The following PEAK1 variants were observed in gnomAD, a reference collection of about 807,000 sequenced individuals.
PEAK1 encodes inactive tyrosine-protein kinase PEAK1.
Under a neutral mutation model 124.7 loss-of-function variants are expected in PEAK1, and 54 were observed. The ratio of observed to expected loss-of-function variants is 0.43; its 90% CI spans 0.35 to 0.54. PEAK1 has a LOEUF of 0.54. PEAK1 is among the 20% of genes least tolerant of loss of function. The pLI, the probability that PEAK1 is intolerant of heterozygous loss-of-function variation, is 0.01. For missense variants in PEAK1, 2,046 were observed against 2,134.5 expected, an observed-to-expected ratio of 0.96 and a Z score of 0.82; for synonymous variants, 719 against 760.0, an observed-to-expected ratio of 0.95 and a Z score of 0.89.
chr15:77,313,992 C>T (rs1303693268), intron 2 of PEAK1, among the ~76,000 whole-genome samples: 5 of 152,048 alleles, frequency 3.3e-5, no homozygotes, highest in Middle Eastern at 3.4e-3. Flanking sequence ...ACATCAACAG[C>T]GATAAGTCAT....
chr15:77,217,985 C>T (rs905538089), intron 6 of PEAK1, among the ~76,000 whole-genome samples: 5 of 152,106 alleles, frequency 3.3e-5, no homozygotes, highest in South Asian at 2.1e-4. Context: ...TGCTACCTTG[C>T]TAAATTTATT....
At position 77,146,174 on chromosome 15, in the gene PEAK1, T is replaced by C. The variant is rs144614818; in HGVS notation, c.3331+12329A>G. 5.0e-4 allele frequency among the ~76,000 whole-genome samples: 76 copies of C among 152,300 alleles called. No homozygotes were observed. In the East Asian group the frequency reaches 0.014, roughly 27 times the overall value. On this transcript the variant is annotated intron_variant, in intron 8 of 9. Coordinates refer to ENST00000682557, the MANE Select transcript of PEAK1 (RefSeq NM_001385026.1). Reference sequence around the variant, plus strand: ...TTGTCAAATGAATAGGGTATCTCATTGGCTGAACCTAGCGCTCAGTGCATC... The same window carrying C: ...TTGTCAAATGAATAGGGTATCTCATCGGCTGAACCTAGCGCTCAGTGCATC...
intron 7 of PEAK1, among the ~76,000 whole-genome samples, chr15:77,159,653 G>T (rs542127657): frequency 2.0e-5 from 3 of 152,164 alleles, no homozygotes; most frequent in Non-Finnish European, 4.4e-5. Flanking sequence ...AAAGAAAGAA[G>T]GAAGGAAAGG....
intron 8 of PEAK1, among the ~76,000 whole-genome samples, chr15:77,150,202 T>TA (rs1468606070): frequency 6.6e-6 from 1 of 152,088 alleles, no homozygotes; most frequent in Non-Finnish European, 1.5e-5. Context: ...CTTCTTTTTT[T>TA]AAAAAAAGGA....
At chr15:77,265,832 A>C (rs957287431) in intron 5 of PEAK1, among the ~76,000 whole-genome samples, 2 of 152,094 alleles carry the variant, frequency 1.3e-5, no homozygotes, top group African/African-American at 4.8e-5. Context: ...CACTATTCAC[A>C]ATAGCAAAGA....
chr15:77,131,481 G>A (rs2052854907), intron 9 of PEAK1, among the ~76,000 whole-genome samples: 1 of 151,926 alleles, frequency 6.6e-6, no homozygotes, highest in Non-Finnish European at 1.5e-5. Context: ...AACAGAGTGA[G>A]ACTCCATCTC....
chr15:77,377,212 T>C (rs989507497), intron 1 of PEAK1, among the ~76,000 whole-genome samples: 3 of 152,064 alleles, frequency 2.0e-5, no homozygotes, highest in Non-Finnish European at 4.4e-5. Context: ...GGAGACCCCA[T>C]CTCTACAAAA....
At chr15:77,125,096 T>C (rs1178868195) in intron 9 of PEAK1, among the ~76,000 whole-genome samples, 1 of 152,214 alleles carries the variant, frequency 6.6e-6, no homozygotes, top group Non-Finnish European at 1.5e-5. Flanking sequence ...CTACAACAAA[T>C]ATCACAATGT....
intron 2 of PEAK1, among the ~76,000 whole-genome samples, chr15:77,353,146 C>T (rs537452713): frequency 6.6e-5 from 10 of 152,294 alleles, no homozygotes; most frequent in African/African-American, 2.2e-4. Flanking sequence ...AGAAACTCCT[C>T]GGCTATTCTG....
intron 7 of PEAK1, among the ~76,000 whole-genome samples, chr15:77,169,070 A>G (rs1161242144): frequency 6.6e-6 from 1 of 152,128 alleles, no homozygotes; most frequent in African/African-American, 2.4e-5. Context: ...CATTAGAAAA[A>G]AACTGTTTGA....
intron 5 of PEAK1, among the ~76,000 whole-genome samples, chr15:77,274,827 GA>G (rs959993333): frequency 6.6e-6 from 1 of 151,434 alleles, no homozygotes; most frequent in Non-Finnish European, 1.5e-5. Flanking sequence ...CTATTCAGAG[GA>G]AAAAAAAGGT....
chr15:77,346,479 G>C, intron 2 of PEAK1: 25 of 985,380 alleles, frequency 2.5e-5, no homozygotes, highest in Non-Finnish European at 3.0e-5. Flanking sequence ...GCAGCTGTTA[G>C]AAGCCAATTT....
At chr15:77,165,589 C>T (rs1275949698) in intron 7 of PEAK1, among the ~76,000 whole-genome samples, 1 of 152,158 alleles carries the variant, frequency 6.6e-6, no homozygotes, top group Non-Finnish European at 1.5e-5. Context: ...TCACTTTCCT[C>T]TTATCTCCCT....
intron 5 of PEAK1, among the ~76,000 whole-genome samples, chr15:77,264,781 G>C (rs2061628547): frequency 6.6e-6 from 1 of 152,096 alleles, no homozygotes; most frequent in South Asian, 2.1e-4. Context: ...AACCAAAAAA[G>C]AGCCCGCATC....
intron 2 of PEAK1, chr15:77,350,032 T>A: frequency 1.0e-6 from 1 of 985,138 alleles, no homozygotes; most frequent in Non-Finnish European, 1.2e-6. Flanking sequence ...AACAGCAATG[T>A]AGGAAGTCAG....
chr15:77,167,735 A>T (rs953096321), intron 7 of PEAK1, among the ~76,000 whole-genome samples: 2 of 151,972 alleles, frequency 1.3e-5, no homozygotes, highest in South Asian at 2.1e-4. Flanking sequence ...GGTAATGCAA[A>T]TTTTTTTTCT....
intron 8 of PEAK1, among the ~76,000 whole-genome samples, chr15:77,137,347 G>A (rs983308335): frequency 6.6e-6 from 1 of 152,222 alleles, no homozygotes; most frequent in South Asian, 2.1e-4. Flanking sequence ...TCCACTGACA[G>A]CTTGCACCAT....
At chr15:77,106,343 C>T (rs1257434810), downstream of PEAK1, 1 of 150,916 alleles carries the variant, frequency 6.6e-6, no homozygotes, top group East Asian at 1.9e-4. Context: ...GTGCATTCAT[C>T]TAAAGACATA....
intron 8 of PEAK1, among the ~76,000 whole-genome samples, chr15:77,152,698 AG>A (rs1348507658): frequency 1.3e-5 from 2 of 152,176 alleles, no homozygotes; most frequent in Admixed American, 6.5e-5. Flanking sequence ...TTTAGCATGA[AG>A]GGTTGTTGAA....
Sources: gnomAD v4.1 joint callset for allele counts (sites outside exome capture counted in the v4.1 genomes callset) on GRCh38, gnomAD v4.1.1 for gene constraint, MANE v1.5 for transcripts, NCBI Gene and HGNC (gene_info 2026-07-23, HGNC 2026-07-21) for gene names.